The following DNTTIP2 variants were observed in gnomAD, a reference collection of about 807,000 sequenced individuals.
DNTTIP2 encodes deoxynucleotidyltransferase terminal-interacting protein 2.
DNTTIP2 carries 47 observed loss-of-function variants against 62.4 expected under a neutral mutation model. The observed-to-expected ratio is 0.75, with a 90% CI of 0.60 to 0.96. The LOEUF is 0.96. Ranked by LOEUF, DNTTIP2 falls within the 40% of genes least tolerant of loss-of-function variation. The pLI, the probability that DNTTIP2 is intolerant of heterozygous loss-of-function variation, is 0.00. For missense variants in DNTTIP2, 870 were observed against 849.1 expected (o/e 1.02, Z -0.31); for synonymous variants, 322 against 300.9 (o/e 1.07, Z -0.73).
rs776222154 is a variant in DNTTIP2 at position 93,869,902 on chromosome 1, T to G, written c.2220A>C (p.Ala740=). 8 of 780,346 alleles carry G rather than the reference T, an allele frequency of 1.0e-5. No individual in the cohort carries two copies. The highest frequency in any genetic ancestry group is 1.9e-5 in the Non-Finnish European group (8 of 417,740). 48.3% of individuals were successfully genotyped at this position (780,346 alleles called of 1,614,324 possible). ...RKYSEIMAEK[A]ANAAGKKFRK... ...GGAACTTTTTTCCTGCTGCATTTGC[T>G]GCTTTTTCAGCCATGATCTCTGAGT... Residue 740 remains alanine, a synonymous_variant, in exon 7 of 7, where the codon GCA becomes GCC. Transcript: ENST00000436063.
rs1272370811 is a variant in DNTTIP2, at chr1:93,869,301, G to A, written c.*550C>T. The A allele has an allele frequency of 2.6e-5, 4 of 152,172 alleles. No individual in the cohort carries two copies. Among genetic ancestry groups the A allele is most frequent in the Admixed American group, 2.6e-4 (4 of 15,274 alleles). 9.4% of individuals were successfully genotyped at this position (152,172 alleles called of 1,614,324 possible). ...CCTCCCTGTTTCAGTTGCCAAGCAA[G>A]GAAAACAGCTCCTCTGCCCAAGCTT... On this transcript the variant is annotated 3_prime_UTR_variant, in exon 7 of 7. Coordinates refer to ENST00000436063, the MANE Select transcript of DNTTIP2 (RefSeq NM_014597.5).
At position 93,875,758 on chromosome 1, in the gene DNTTIP2, C is replaced by A; in HGVS notation, c.1693G>T (p.Asp565Tyr). 3 of 1,611,760 alleles carry A rather than the reference C, an allele frequency of 1.9e-6. No individual in the cohort carries two copies. The highest frequency in any genetic ancestry group is 2.5e-6 in the Non-Finnish European group (3 of 1,179,378). ...AACTGCTTGATACTCAGACCAGGGT[C>A]TATGCTGCTGCTTGTCAACTTCAGA... ...KLLKLTSSSI[D>Y]PGLSIKQLGG... Residue 565 changes from aspartate to tyrosine, a missense_variant, in exon 3 of 7, where the codon GAC becomes TAC. Physicochemically the swap from Asp to Tyr is radical, Grantham distance 160. Transcript: ENST00000436063.
chr1:93,876,667 T>C lies in DNTTIP2; in HGVS notation c.1268A>G (p.Asp423Gly), dbSNP rs898663392. Residue 423 changes from aspartate (D) to glycine (G), a missense_variant, in exon 2 of 7, where the codon GAT becomes GGT. By Grantham distance (94) the Asp-to-Gly change is moderately conservative. Coordinates refer to ENST00000436063, the MANE Select transcript of DNTTIP2 (RefSeq NM_014597.5). ...GGGCGCAGACGTGTATAGTTTGGTATCACATTCAAAATCTACATTCCCTTC... is the reference window on the plus strand; with the variant it reads ...GGGCGCAGACGTGTATAGTTTGGTACCACATTCAAAATCTACATTCCCTTC... ...NSEGNVDFEC[D>G]TKLYTSAPNT... The C allele has an allele frequency of 1.1e-5, 18 of 1,613,930 alleles. No homozygotes were observed. The highest frequency in any genetic ancestry group is 1.4e-5 in the Non-Finnish European group (16 of 1,179,906).
At chr1:93,878,808 G>C in intron 1 of DNTTIP2, 1 of 420,432 alleles carries the variant, frequency 2.4e-6, no homozygotes, top group Non-Finnish European at 4.3e-6. Context: ...TTAAAAGTTC[G>C]AACTGTGCTT....
chr1:93,877,356 A>C lies in DNTTIP2; in HGVS notation c.579T>G (p.Ile193Met), dbSNP rs1656038141. The C allele has an allele frequency of 1.2e-6, 2 of 1,613,778 alleles. No individual in the cohort carries two copies. Among genetic ancestry groups the C allele is most frequent in the Non-Finnish European group, 1.7e-6 (2 of 1,179,884 alleles). The change falls in exon 2 of 7, where the codon ATT (isoleucine) becomes ATG (methionine). Residue 193 changes from isoleucine (I) to methionine (M), a missense_variant. By Grantham distance (10) the Ile-to-Met change is conservative. Coordinates refer to ENST00000436063, the MANE Select transcript of DNTTIP2 (RefSeq NM_014597.5). ...TTCTAGTTGCAATTCCAGAGAATGAAATGTCTGAGCTTGATGTCTCAGCAT... is the reference window on the plus strand; with the variant it reads ...TTCTAGTTGCAATTCCAGAGAATGACATGTCTGAGCTTGATGTCTCAGCAT... The part of the protein sequence containing the change: ...ISDAETSSSD[I>M]SFSGIATRRT...
chr1:93,870,833 AAGATG>A, intron 5 of DNTTIP2, 41 bp from the exon 6 acceptor site: 1 of 1,113,568 alleles, frequency 9.0e-7, no homozygotes, highest in Non-Finnish European at 1.3e-6. Context: ...ATTGAGTGCC[AAGATG>A]CTTTCATACT....
chr1:93,870,651 A>G lies in DNTTIP2; in HGVS notation c.2177+32T>C, dbSNP rs376226397. The G allele has an allele frequency of 3.2e-6, 4 of 1,248,828 alleles. No individual in the cohort carries two copies. The African/African-American group carries it at 6.0e-5, about 19-fold the overall frequency. The allele number at this position is 1,248,828 out of a possible 1,614,324, so 77.4% of individuals were successfully genotyped here. A position where few individuals can be genotyped will look rare whatever the true frequency, so the allele number is the denominator to read the frequency against. On this transcript the variant is annotated intron_variant, in intron 6 of 6. Coordinates refer to ENST00000436063, the MANE Select transcript of DNTTIP2 (RefSeq NM_014597.5). ...TTTATACATTTTTAAAGCAAAGTAT[A>G]CATATTATAAAATAAATATGAATTC...
At chr1:93,878,904 C>G in intron 1 of DNTTIP2, 173 bp downstream of exon 1, 1 of 806,872 alleles carries the variant, frequency 1.2e-6, no homozygotes, top group Non-Finnish European at 1.9e-6. Context: ...GTGGTGAAGG[C>G]TAAACAGTTT....
chr1:93,877,189 G>C lies in DNTTIP2; in HGVS notation c.746C>G (p.Ala249Gly). 6.2e-7 allele frequency: 1 copy of C among 1,613,676 alleles called. No homozygotes were observed. The highest frequency in any genetic ancestry group is 1.3e-5 in the African/African-American group (1 of 75,048). Residue 249 changes from alanine (A) to glycine (G), a missense_variant, in exon 2 of 7, where the codon GCA becomes GGA. By Grantham distance (60) the Ala-to-Gly change is moderately conservative. Transcript: ENST00000436063. ...CTTATTTATCTCAGAAAGAGATCTT[G>C]CTTGTAAATGGGAAGTTTGTCTGGT... is the stretch of plus-strand genomic sequence containing the variant. ...SDTRQTSHLQ[A>G]RSLSEINKPN...
At chr1:93,874,984 A>C (rs1412517664) in intron 3 of DNTTIP2, among the ~76,000 whole-genome samples, 3 of 152,208 alleles carry the variant, frequency 2.0e-5, no homozygotes, top group African/African-American at 7.2e-5. Context: ...GTGACTGACT[A>C]CAAAAGGAAA....
Position 93,870,791 on chromosome 1 carries a change from A to G in DNTTIP2, c.2069T>C (p.Ile690Thr), listed in dbSNP as rs779718385. The change falls in exon 6 of 7, where the codon ATT (isoleucine) becomes ACT (threonine). Residue 690 changes from isoleucine to threonine, a missense_variant and splice_region_variant. Coordinates refer to ENST00000436063, the MANE Select transcript of DNTTIP2 (RefSeq NM_014597.5). ...DRDGFPKYFQIGTIVDNPADF... is the reference protein window; with the variant it reads ...DRDGFPKYFQTGTIVDNPADF... ...AGCTGGATTGTCAACAATGGTTCCA[A>G]TCTGTGAACAATTGATTGAAATAAG... is the stretch of plus-strand genomic sequence containing the variant. The G allele has an allele frequency of 1.3e-6, 2 of 1,518,096 alleles. No individual in the cohort carries two copies. The highest frequency in any genetic ancestry group is 2.4e-5 in the East Asian group (1 of 42,338). 94.0% of individuals were successfully genotyped at this position (1,518,096 alleles called of 1,614,324 possible). A position where few individuals can be genotyped will look rare whatever the true frequency, so the allele number is the denominator to read the frequency against.
At position 93,876,810 on chromosome 1, in the gene DNTTIP2, C is replaced by G; in HGVS notation, c.1125G>C (p.Trp375Cys). ...QTFATVEVGRWNNNKKSPIKA... is the reference protein window; with the variant it reads ...QTFATVEVGRCNNNKKSPIKA... Reference sequence around the variant, plus strand: ...TTATGGGGCTCTTTTTGTTGTTATTCCATCTGCCTACTTCCACAGTTGCAA... The same window carrying G: ...TTATGGGGCTCTTTTTGTTGTTATTGCATCTGCCTACTTCCACAGTTGCAA... The change falls in exon 2 of 7, where the codon TGG becomes TGC. Residue 375 changes from tryptophan (W) to cysteine (C), a missense_variant. Physicochemically the swap from Trp to Cys is radical, Grantham distance 215. Coordinates refer to ENST00000436063, the MANE Select transcript of DNTTIP2 (RefSeq NM_014597.5). The G allele has an allele frequency of 1.2e-6, 2 of 1,613,900 alleles. No individual in the cohort carries two copies. The highest frequency in any genetic ancestry group is 1.7e-6 in the Non-Finnish European group (2 of 1,179,872).
Position 93,873,091 on chromosome 1 carries a change from A to G in DNTTIP2, c.1902+28T>C, listed in dbSNP as rs776362228. 10 of 1,476,390 alleles carry G rather than the reference A, an allele frequency of 6.8e-6. No individual in the cohort carries two copies. The Admixed American group carries it at 8.9e-5, about 13-fold the overall frequency. 91.5% of individuals were successfully genotyped at this position (1,476,390 alleles called of 1,614,324 possible). On this transcript the variant is annotated intron_variant, in intron 4 of 6. Transcript: ENST00000436063. ...GAAAATATATAGCCAAACATATCTA[A>G]GCATTTTAATTAAGTCACTGTACTT... is the stretch of plus-strand genomic sequence containing the variant.
At chr1:93,871,232 G>T (rs867905707) in intron 5 of DNTTIP2, among the ~76,000 whole-genome samples, 6 of 152,280 alleles carry the variant, frequency 3.9e-5, no homozygotes, top group Middle Eastern at 6.8e-3. Context: ...AATTTACAGT[G>T]ATCACTATGC....
At position 93,876,456 on chromosome 1, in the gene DNTTIP2, T is replaced by C; in HGVS notation, c.1479A>G (p.Thr493=). The change falls in exon 2 of 7, where the codon ACA becomes ACG. Residue 493 remains threonine, a synonymous_variant. Transcript: ENST00000436063. ...TTTTATCAGCACTCATTCCAGGAGTTGTGTCAATTACAAACAATGCATTGT... is the reference window on the plus strand; with the variant it reads ...TTTTATCAGCACTCATTCCAGGAGTCGTGTCAATTACAAACAATGCATTGT... ...SCDNALFVID[T]TPGMSADKNF... 6.2e-7 allele frequency: 1 copy of C among 1,613,962 alleles called. No homozygotes were observed. The highest frequency in any genetic ancestry group is 8.5e-7 in the Non-Finnish European group (1 of 1,179,886).
rs1162853316 is a variant in DNTTIP2 at position 93,876,632 on chromosome 1, G to C, written c.1303C>G (p.Gln435Glu). 19 of 1,613,896 alleles carry C rather than the reference G, an allele frequency of 1.2e-5. No homozygotes were observed. Among genetic ancestry groups the C allele is most frequent in the Non-Finnish European group, 1.4e-5 (17 of 1,179,902 alleles). ...KLYTSAPNTS[Q>E]GKDNSVLLVL... ...AGTAAGACAGAATTATCTTTACCCTGAGATGTGTTGGGCGCAGACGTGTAT... is the reference window on the plus strand; with the variant it reads ...AGTAAGACAGAATTATCTTTACCCTCAGATGTGTTGGGCGCAGACGTGTAT... Residue 435 changes from glutamine (Q) to glutamate (E), a missense_variant, in exon 2 of 7, where the codon CAG (glutamine) becomes GAG (glutamate). By Grantham distance (29) the Gln-to-Glu change is conservative (BLOSUM62 2). Coordinates refer to ENST00000436063, the MANE Select transcript of DNTTIP2 (RefSeq NM_014597.5).
chr1:93,873,968 T>C (rs1655935117), intron 3 of DNTTIP2, among the ~76,000 whole-genome samples: 2 of 152,176 alleles, frequency 1.3e-5, no homozygotes, highest in African/African-American at 4.8e-5. Context: ...TACAGGAATA[T>C]AGTACAAGCA....
intron 3 of DNTTIP2, chr1:93,873,423 C>T: frequency 3.5e-6 from 1 of 281,758 alleles, no homozygotes. Context: ...AAGACCCTGA[C>T]TGTAAAAAAA....
At chr1:93,878,989 T>C (rs972081032) in intron 1 of DNTTIP2, 88 bp downstream of exon 1, 5 of 1,528,124 alleles carry the variant, frequency 3.3e-6, no homozygotes, top group Admixed American at 4.0e-5. Context: ...CGGCAGGTCC[T>C]CACCCTTAAC....
Sources: gnomAD v4.1 joint callset for allele counts (sites outside exome capture counted in the v4.1 genomes callset) on GRCh38, gnomAD v4.1.1 for gene constraint, MANE v1.5 for transcripts, NCBI Gene and HGNC (gene_info 2026-07-23, HGNC 2026-07-21) for gene names.